ZNF407: variants seen among roughly 807,000 people sequenced by gnomAD.
ZNF407 encodes zinc finger protein 407.
In ZNF407, 17 loss-of-function variants were observed where a neutral mutation model predicts 131.2. The ratio of observed to expected loss-of-function variants is 0.13; its 90% CI spans 0.09 to 0.19. The LOEUF (loss-of-function observed/expected upper bound fraction) is 0.19. Among genes scored for constraint, ZNF407 ranks in the 10% least tolerant of loss-of-function variants. The probability of loss-of-function intolerance (pLI) is 1.00; values close to 1 mark genes in which losing one functional copy is unlikely to be tolerated. For missense variants in ZNF407, 2,681 were observed against 2,830.6 expected (o/e 0.95, Z 1.20); for synonymous variants, 1,156 against 1,062.0 (o/e 1.09, Z -1.72).
At chr18:74,902,357 C>T (rs1971537893) in intron 7 of ZNF407, among the ~76,000 whole-genome samples, 2 of 152,190 alleles carry the variant, frequency 1.3e-5, no homozygotes, top group Non-Finnish European at 2.9e-5. Context: ...CTACACAGCT[C>T]AGATCCCGGA....
At chr18:74,873,335 A>G (rs916746783) in intron 4 of ZNF407, among the ~76,000 whole-genome samples, 1 of 152,162 alleles carries the variant, frequency 6.6e-6, no homozygotes, top group Non-Finnish European at 1.5e-5. Context: ...TCTGTTATCA[A>G]TCATATAATG....
intron 8 of ZNF407, among the ~76,000 whole-genome samples, chr18:74,977,835 T>TA (rs1250315788): frequency 6.6e-6 from 1 of 152,230 alleles, no homozygotes; most frequent in Non-Finnish European, 1.5e-5. Flanking sequence ...CCATGACTCT[T>TA]ACTGTGGTTG....
chr18:75,019,681 C>T (rs1194801076), intron 8 of ZNF407, among the ~76,000 whole-genome samples: 3 of 152,002 alleles, frequency 2.0e-5, no homozygotes, highest in African/African-American at 7.3e-5. Context: ...AAAGAAATAC[C>T]TGAACCTGGG....
At chr18:74,981,613 G>T (rs796382129) in intron 8 of ZNF407, among the ~76,000 whole-genome samples, 4 of 152,306 alleles carry the variant, frequency 2.6e-5, no homozygotes, top group African/African-American at 9.6e-5. Context: ...GGCTAGAGGG[G>T]TCCCGAAAGG....
At chr18:74,815,330 C>A (rs1970253401) in intron 4 of ZNF407, among the ~76,000 whole-genome samples, 1 of 151,990 alleles carries the variant, frequency 6.6e-6, no homozygotes, top group African/African-American at 2.4e-5. Context: ...TAAGAATTTC[C>A]CAACAGTGTC....
At chr18:75,050,308 T>C (rs1328829686) in intron 8 of ZNF407, among the ~76,000 whole-genome samples, 1 of 152,174 alleles carries the variant, frequency 6.6e-6, no homozygotes, top group Non-Finnish European at 1.5e-5. Context: ...AAGTATTATG[T>C]TACATATTTT....
chr18:74,983,042 G>A lies in ZNF407; in HGVS notation c.5428+62350G>A, dbSNP rs2034072. 9.7e-3 allele frequency among the ~76,000 whole-genome samples: 1,478 copies of A among 152,252 alleles called. 70 individuals are homozygous for A. The East Asian group carries it at 0.15, about 16-fold the overall frequency. On this transcript the variant is annotated intron_variant, in intron 8 of 8. Transcript: ENST00000299687. ...GCTTTTTATAAACCAAGAACATGAT[G>A]TTTTTCAAAAACCAAGCCAACTAGT...
At chr18:74,672,964 ATG>A (rs1291477230) in intron 3 of ZNF407, among the ~76,000 whole-genome samples, 1 of 152,180 alleles carries the variant, frequency 6.6e-6, no homozygotes, top group Non-Finnish European at 1.5e-5. Flanking sequence ...CTTTCCTAAT[ATG>A]TGTTACTGAC....
chr18:74,916,400 G>T (rs1193371350), intron 7 of ZNF407, among the ~76,000 whole-genome samples: 6 of 123,942 alleles, frequency 4.8e-5, no homozygotes, highest in African/African-American at 2.2e-4. Flanking sequence ...TGCAGTATTG[G>T]TTCGAATCGG....
intron 3 of ZNF407, among the ~76,000 whole-genome samples, chr18:74,728,152 A>C (rs1968204365): frequency 6.6e-6 from 1 of 152,212 alleles, no homozygotes; most frequent in African/African-American, 2.4e-5. Context: ...GGCTTGGATA[A>C]GAGTATAGCA....
chr18:74,824,137 A>G (rs1010515054), intron 4 of ZNF407, among the ~76,000 whole-genome samples: 1 of 152,214 alleles, frequency 6.6e-6, no homozygotes, highest in African/African-American at 2.4e-5. Flanking sequence ...AAATGAAGGC[A>G]GAAATAAAGA....
chr18:74,775,699 T>C (rs1969455422), intron 3 of ZNF407, among the ~76,000 whole-genome samples: 1 of 152,184 alleles, frequency 6.6e-6, no homozygotes. Context: ...TACCTGACGC[T>C]GAGTAATTTA....
At chr18:74,628,905 A>C (rs1469694429) in intron 1 of ZNF407, among the ~76,000 whole-genome samples, 1 of 152,128 alleles carries the variant, frequency 6.6e-6, no homozygotes. Flanking sequence ...TTTATGACTG[A>C]ATACTATTTC....
chr18:74,701,573 T>G (rs1967497196), intron 3 of ZNF407, among the ~76,000 whole-genome samples: 1 of 152,128 alleles, frequency 6.6e-6, no homozygotes, highest in Non-Finnish European at 1.5e-5. Flanking sequence ...CTTCTGGTAA[T>G]CACCGAGGCC....
At chr18:74,980,120 C>T (rs938233811) in intron 8 of ZNF407, among the ~76,000 whole-genome samples, 4 of 152,096 alleles carry the variant, frequency 2.6e-5, no homozygotes, top group Non-Finnish European at 5.9e-5. Flanking sequence ...GTGTTTCCCT[C>T]TATTCTGAAA....
chr18:74,851,943 A>C (rs948801517), intron 4 of ZNF407, among the ~76,000 whole-genome samples: 13 of 152,204 alleles, frequency 8.5e-5, no homozygotes, highest in Admixed American at 8.5e-4. Flanking sequence ...AACTCTGATT[A>C]TGGAGAGGGT....
At chr18:74,742,117 A>G (rs1968563846) in intron 3 of ZNF407, among the ~76,000 whole-genome samples, 1 of 152,178 alleles carries the variant, frequency 6.6e-6, no homozygotes, top group African/African-American at 2.4e-5. Flanking sequence ...ATTGCTTTTC[A>G]TTCTTTACCC....
intron 8 of ZNF407, among the ~76,000 whole-genome samples, chr18:75,054,005 C>T (rs577757005): frequency 7.2e-5 from 11 of 152,338 alleles, no homozygotes; most frequent in African/African-American, 2.4e-4. Flanking sequence ...GGGATTTCTG[C>T]GGGTTTGGAT....
At chr18:74,842,289 G>C (rs111626025) in intron 4 of ZNF407, among the ~76,000 whole-genome samples, 1 of 152,044 alleles carries the variant, frequency 6.6e-6, no homozygotes, top group Non-Finnish European at 1.5e-5. Flanking sequence ...CACTTTCTTT[G>C]TGTTGGCCCA....
Sources: allele counts gnomAD v4.1 joint callset (sites outside exome capture counted in the v4.1 genomes callset), GRCh38; gene constraint gnomAD v4.1.1; transcripts MANE v1.5; gene names NCBI Gene and HGNC (gene_info 2026-07-23, HGNC 2026-07-21).